Variants in TSNAX observed in about 807,000 individuals in gnomAD.
TSNAX encodes translin-associated protein X.
Under a neutral mutation model 33.0 loss-of-function variants are expected in TSNAX, and 12 were observed. That is an observed-to-expected ratio of 0.36 (90% CI 0.23 to 0.59). The LOEUF is 0.59. Ranked by LOEUF, TSNAX falls within the 20% of genes least tolerant of loss-of-function variation. TSNAX has a pLI of 0.74. For missense variants in TSNAX, 267 were observed against 341.3 expected (o/e 0.78, Z 1.72); for synonymous variants, 110 against 117.2 (o/e 0.94, Z 0.40).
intron 4 of TSNAX, among the ~76,000 whole-genome samples, chr1:231,560,885 C>CGG (rs1661068094): frequency 6.6e-6 from 1 of 152,126 alleles, no homozygotes; most frequent in Non-Finnish European, 1.5e-5. Flanking sequence ...GTCTCCATCT[C>CGG]CTGACCTGAA....
chr1:231,545,868 C>T (rs769152124), intron 4 of TSNAX, among the ~76,000 whole-genome samples: 4 of 152,152 alleles, frequency 2.6e-5, no homozygotes, highest in Non-Finnish European at 4.4e-5. Context: ...TTTACCACTT[C>T]ACAGGCGGGG....
chr1:231,549,333 T>C (rs1480607619), intron 4 of TSNAX, among the ~76,000 whole-genome samples: 2 of 151,984 alleles, frequency 1.3e-5, no homozygotes, highest in Non-Finnish European at 2.9e-5. Flanking sequence ...GGCAGGAGAA[T>C]TGCTTGAACC....
In TSNAX at chr1:231,564,670, C is replaced by G; in HGVS notation, c.638C>G (p.Thr213Ser). The change falls in exon 6 of 6, where the codon ACC (threonine) becomes AGC (serine). Residue 213 changes from threonine to serine, a missense_variant. This residue lies in a region of TSNAX where 67 missense variants were observed against 127.2 expected (regional missense o/e 0.53). Coordinates refer to ENST00000366639, the MANE Select transcript of TSNAX (RefSeq NM_005999.3). ...INSVGNGDID[T>S]PFEVSQFLRQ... ...AGTGTGGGGAATGGGGACATTGATA[C>G]CCCCTTTGAAGTGAGCCAGTTTTTA... 1 of 1,614,076 alleles carries G rather than the reference C, an allele frequency of 6.2e-7. No individual in the cohort carries two copies. Among genetic ancestry groups the G allele is most frequent in the South Asian group, 1.1e-5 (1 of 91,074 alleles).
intron 4 of TSNAX, among the ~76,000 whole-genome samples, chr1:231,549,133 G>C (rs928641219): frequency 6.6e-6 from 1 of 152,128 alleles, no homozygotes; most frequent in African/African-American, 2.4e-5. Context: ...TGGGGAAATG[G>C]TATGGAATTG....
At chr1:231,555,158 G>A (rs114746940) in intron 4 of TSNAX, among the ~76,000 whole-genome samples, 2,343 of 152,304 alleles carry the variant, frequency 0.015, 66 homozygotes, top group African/African-American at 0.053. Flanking sequence ...AAGTGACTCA[G>A]TTGTCTCTCT....
chr1:231,544,636 G>A (rs1046922399), intron 4 of TSNAX, among the ~76,000 whole-genome samples: 1 of 152,204 alleles, frequency 6.6e-6, no homozygotes, highest in African/African-American at 2.4e-5. Flanking sequence ...ATTTGGCCCA[G>A]TAGTTCTATT....
chr1:231,539,221 T>C (rs886283700), intron 3 of TSNAX, among the ~76,000 whole-genome samples: 17 of 152,152 alleles, frequency 1.1e-4, no homozygotes, highest in African/African-American at 4.1e-4. Context: ...TTAGTACTTA[T>C]TACAATTCTA....
intron 4 of TSNAX, among the ~76,000 whole-genome samples, chr1:231,545,261 T>C (rs754084877): frequency 5.3e-5 from 8 of 152,222 alleles, no homozygotes; most frequent in African/African-American, 9.6e-5. Context: ...CTCCAAATAG[T>C]TGTTCTTTTG....
chr1:231,531,996 C>G (rs967256065), intron 2 of TSNAX, among the ~76,000 whole-genome samples: 1 of 151,298 alleles, frequency 6.6e-6, no homozygotes, highest in African/African-American at 2.4e-5. Context: ...TGCTTCAACT[C>G]AGAAGTTTGA....
chr1:231,544,631 GC>G (rs1659788765), intron 4 of TSNAX, among the ~76,000 whole-genome samples: 1 of 152,144 alleles, frequency 6.6e-6, no homozygotes, highest in African/African-American at 2.4e-5. Flanking sequence ...GCTGTATTTG[GC>G]CCAGTAGTTC....
In TSNAX at chr1:231,565,265, G is replaced by A; in HGVS notation, c.*360G>A. On this transcript the variant is annotated 3_prime_UTR_variant, in exon 6 of 6. Coordinates refer to ENST00000366639, the MANE Select transcript of TSNAX (RefSeq NM_005999.3). ...TGATAATTTTTAGTGGAAGCAATTT[G>A]TAATTTAAGTTGGTAGTTATATTAT... The A allele has an allele frequency of 6.0e-6, 1 of 165,656 alleles. No homozygotes were observed. The highest frequency in any genetic ancestry group is 2.4e-5 in the African/African-American group (1 of 41,804). 10.3% of individuals were successfully genotyped at this position (165,656 alleles called of 1,614,324 possible).
chr1:231,555,775 TCAAGGAAAGACTGAAA>T lies in TSNAX; in HGVS notation c.368-5352_368-5337del, dbSNP rs1181935904. Among the ~76,000 whole-genome samples the T allele has an allele frequency of 1.7e-4, 26 of 152,244 alleles. 1 individual carries two copies. The East Asian group carries it at 3.3e-3, about 19-fold the overall frequency. Reference sequence around the variant, plus strand: ...GCACATCTTAAGAGTTTGCTCCTGCTCAAGGAAAGACTGAAATTCCTGTTTTCCTAGGTCCTCTGTG... The same window carrying T: ...GCACATCTTAAGAGTTTGCTCCTGCTTTCCTGTTTTCCTAGGTCCTCTGTG... On this transcript the variant is annotated intron_variant, in intron 4 of 5. Coordinates refer to ENST00000366639, the MANE Select transcript of TSNAX (RefSeq NM_005999.3).
At chr1:231,553,187 T>C (rs1272201318) in intron 4 of TSNAX, among the ~76,000 whole-genome samples, 2 of 152,236 alleles carry the variant, frequency 1.3e-5, no homozygotes, top group Non-Finnish European at 2.9e-5. Flanking sequence ...AGTTGAGTCA[T>C]GTGAGGTTCA....
At chr1:231,547,389 C>CTTTTTT (rs71179784) in intron 4 of TSNAX, among the ~76,000 whole-genome samples, 60 of 104,682 alleles carry the variant, frequency 5.7e-4, no homozygotes, top group Non-Finnish European at 7.4e-4. Flanking sequence ...TTTTTTTTTT[C>CTTTTTT]TTTTTTTTTT....
chr1:231,560,187 G>C (rs1324784323), intron 4 of TSNAX, among the ~76,000 whole-genome samples: 1 of 151,372 alleles, frequency 6.6e-6, no homozygotes, highest in Non-Finnish European at 1.5e-5. Context: ...CACCATGTTA[G>C]CCAGGATGGT....
At position 231,529,244 on chromosome 1, in the gene TSNAX, C is replaced by G; in HGVS notation, c.17-11C>G. 1 of 1,600,330 alleles carries G rather than the reference C, an allele frequency of 6.2e-7. No homozygotes were observed. Among genetic ancestry groups the G allele is most frequent in the Non-Finnish European group, 8.5e-7 (1 of 1,175,762 alleles). On this transcript the variant is annotated splice_polypyrimidine_tract_variant and intron_variant, in intron 1 of 5. Transcript: ENST00000366639. ...TGGAAGATCCCTCTCTTTTTTTCTTCTCTATATAAGGATCAGGAGGGTTCA... is the reference window on the plus strand; with the variant it reads ...TGGAAGATCCCTCTCTTTTTTTCTTGTCTATATAAGGATCAGGAGGGTTCA...
At chr1:231,556,352 C>T (rs1660692688) in intron 4 of TSNAX, among the ~76,000 whole-genome samples, 1 of 152,010 alleles carries the variant, frequency 6.6e-6, no homozygotes, top group African/African-American at 2.4e-5. Context: ...TATTCTTCCA[C>T]TGAAATATGA....
At chr1:231,534,665 G>T (rs139882142) in intron 2 of TSNAX, 2 of 152,292 alleles carry the variant, frequency 1.3e-5, no homozygotes, top group East Asian at 3.9e-4. Context: ...TGGATTTGCA[G>T]TTCCTTTTCA....
rs111590122 is a variant in TSNAX at position 231,558,722 on chromosome 1, C to T, written c.368-2406C>T. 2.7e-3 allele frequency among the ~76,000 whole-genome samples: 403 copies of T among 151,896 alleles called. 2 individuals are homozygous for T. Among genetic ancestry groups the T allele is most frequent in the African/African-American group, 9.2e-3 (382 of 41,388 alleles). On this transcript the variant is annotated intron_variant, in intron 4 of 5. Transcript: ENST00000366639. ...AGATTTTCTTTGGGGGGGAACTGGG[C>T]GGTGTCACCTATTCATAAAACTAAA... is the stretch of plus-strand genomic sequence containing the variant.
Sources: gnomAD v4.1 joint callset for allele counts (sites outside exome capture counted in the v4.1 genomes callset) on GRCh38, gnomAD v4.1.1 for gene constraint, gnomAD v4.1.1 regional missense constraint, MANE v1.5 for transcripts, NCBI Gene and HGNC (gene_info 2026-07-23, HGNC 2026-07-21) for gene names.